The following SCAPER variants were observed in gnomAD, a reference collection of about 807,000 sequenced individuals.
SCAPER encodes S phase cyclin A-associated protein in the endoplasmic reticulum.
A neutral mutation model predicts 182.2 loss-of-function variants in SCAPER; 98 were observed. The ratio of observed to expected loss-of-function variants is 0.54; its 90% confidence interval spans 0.46 to 0.64. The LOEUF is 0.64. Among genes scored for constraint, SCAPER ranks in the 30% least tolerant of loss-of-function variants. The probability of loss-of-function intolerance (pLI) is 0.00; values close to 1 mark genes in which losing one functional copy is unlikely to be tolerated. For missense variants in SCAPER, 1,432 were observed against 1,690.0 expected (o/e 0.85, Z 2.68); for synonymous variants, 605 against 564.6 (o/e 1.07, Z -1.01).
intron 2 of SCAPER, among the ~76,000 whole-genome samples, chr15:76,877,904 C>T (rs2073279286): frequency 6.6e-6 from 1 of 152,080 alleles, no homozygotes; most frequent in African/African-American, 2.4e-5. Flanking sequence ...GTTAAATTTC[C>T]ACATTTTGAA....
At chr15:76,779,525 T>C (rs2063960183) in intron 8 of SCAPER, among the ~76,000 whole-genome samples, 1 of 152,130 alleles carries the variant, frequency 6.6e-6, no homozygotes, top group Admixed American at 6.5e-5. Flanking sequence ...GATAGCCCCG[T>C]AACTGTTAAA....
intron 22 of SCAPER, among the ~76,000 whole-genome samples, chr15:76,588,395 CTGATA>C (rs1340867635): frequency 1.3e-5 from 2 of 152,138 alleles, no homozygotes; most frequent in East Asian, 3.8e-4. Context: ...TTTGCTTTGT[CTGATA>C]TAAGAATAGC....
rs545263223 is a variant in SCAPER, at chr15:76,540,718, A to G, written c.2838+33440T>C. 8.5e-4 allele frequency among the ~76,000 whole-genome samples: 130 copies of G among 152,112 alleles called. 1 individual carries two copies. Among genetic ancestry groups the G allele is most frequent in the Middle Eastern group, 3.4e-3 (1 of 294 alleles). On this transcript the variant is annotated intron_variant, in intron 23 of 31. Transcript: ENST00000563290. ...TTTTTTTTTACAATGAACATGTATT[A>G]TAGTAATAATAATTATTATTTTCAA...
chr15:76,806,575 G>A (rs1598837730), intron 5 of SCAPER, among the ~76,000 whole-genome samples: 1 of 152,276 alleles, frequency 6.6e-6, no homozygotes, highest in South Asian at 2.1e-4. Context: ...CTGCCAAAAA[G>A]GGGGAAGGGA....
intron 1 of SCAPER, among the ~76,000 whole-genome samples, chr15:76,885,367 T>C (rs1218605902): frequency 6.6e-6 from 1 of 152,212 alleles, no homozygotes; most frequent in Non-Finnish European, 1.5e-5. Flanking sequence ...CTTCCCAGCA[T>C]GCCAGACATA....
intron 24 of SCAPER, among the ~76,000 whole-genome samples, chr15:76,483,820 T>TA (rs1408908823): frequency 6.6e-6 from 1 of 152,162 alleles, no homozygotes; most frequent in Non-Finnish European, 1.5e-5. Context: ...TTAGGATGGC[T>TA]AAAATCCAAA....
At chr15:76,720,793 T>C (rs868039390) in intron 17 of SCAPER, among the ~76,000 whole-genome samples, 29 of 152,278 alleles carry the variant, frequency 1.9e-4, no homozygotes, top group Middle Eastern at 6.8e-3. Flanking sequence ...TCCTGTAAAT[T>C]TGTTTGAGTT....
chr15:76,845,147 A>G (rs896265461), intron 4 of SCAPER, among the ~76,000 whole-genome samples: 3 of 152,156 alleles, frequency 2.0e-5, no homozygotes, highest in African/African-American at 7.2e-5. Context: ...TGCATGCTGA[A>G]AAAGTATTTA....
intron 21 of SCAPER, among the ~76,000 whole-genome samples, chr15:76,651,659 T>C (rs560147871): frequency 5.7e-4 from 78 of 135,826 alleles, no homozygotes; most frequent in African/African-American, 2.0e-3. Flanking sequence ...CTTGACCAGA[T>C]AGATTCACAG....
chr15:76,652,273 A>T lies in SCAPER; in HGVS notation c.2645+13380T>A, dbSNP rs868343558. Among the ~76,000 whole-genome samples the T allele has an allele frequency of 1.8e-3, 23 of 12,856 alleles. 1 individual carries two copies. Among genetic ancestry groups the T allele is most frequent in the African/African-American group, 2.8e-3 (9 of 3,160 alleles). The allele number at this position is 12,856 out of a possible 152,430, so 8.4% of individuals were successfully genotyped here. Reference sequence around the variant, plus strand: ...GTCTCTGCTAAAAAAAAAAAAAAAAAATATATATATATATATATATATATA... The same window carrying T: ...GTCTCTGCTAAAAAAAAAAAAAAAATATATATATATATATATATATATATA... On this transcript the variant is annotated intron_variant, in intron 21 of 31. Coordinates refer to ENST00000563290, the MANE Select transcript of SCAPER (RefSeq NM_020843.4).
At chr15:76,499,713 A>G (rs1222075788) in intron 24 of SCAPER, among the ~76,000 whole-genome samples, 1 of 152,180 alleles carries the variant, frequency 6.6e-6, no homozygotes, top group African/African-American at 2.4e-5. Flanking sequence ...TTTAAGTGAT[A>G]AGATGAAGAC....
chr15:76,579,257 C>A (rs148811213), intron 22 of SCAPER, among the ~76,000 whole-genome samples: 1 of 75,400 alleles, frequency 1.3e-5, no homozygotes, highest in East Asian at 4.7e-4. Flanking sequence ...CAGAGCGAGA[C>A]TCTGTCTCAA....
chr15:76,891,186 A>C (rs888568112), intron 1 of SCAPER, among the ~76,000 whole-genome samples: 3 of 152,220 alleles, frequency 2.0e-5, no homozygotes, highest in Non-Finnish European at 1.5e-5. Context: ...AATAACAGCT[A>C]TTTATGACAA....
At chr15:76,764,915 C>A in intron 14 of SCAPER, 46 bp downstream of exon 14, 1 of 1,132,694 alleles carries the variant, frequency 8.8e-7, no homozygotes, top group Non-Finnish European at 1.3e-6. Context: ...GAAAATAAGC[C>A]CAGCAACTTC....
intron 16 of SCAPER, 25 bp downstream of exon 16, chr15:76,733,204 T>A (rs2061031581): frequency 6.4e-7 from 1 of 1,550,476 alleles, no homozygotes; most frequent in Non-Finnish European, 8.7e-7. Flanking sequence ...GCTCAAGCAA[T>A]GTTTGCTGAA....
intron 23 of SCAPER, among the ~76,000 whole-genome samples, chr15:76,569,082 C>A (rs1454650466): frequency 1.3e-5 from 2 of 151,848 alleles, no homozygotes; most frequent in Non-Finnish European, 2.9e-5. Context: ...TAGTTAGAAC[C>A]CCCATTTTAA....
At chr15:76,392,449 A>G (rs538950359) in intron 27 of SCAPER, among the ~76,000 whole-genome samples, 58 of 152,226 alleles carry the variant, frequency 3.8e-4, no homozygotes, top group African/African-American at 1.3e-3. Flanking sequence ...AACCTAAAGA[A>G]CCAGGGCTAG....
intron 20 of SCAPER, among the ~76,000 whole-genome samples, chr15:76,683,039 G>T (rs561007730): frequency 3.0e-4 from 45 of 152,118 alleles, no homozygotes; most frequent in Non-Finnish European, 4.9e-4. Flanking sequence ...CCCCGGGAAT[G>T]GTTCTTAACC....
chr15:76,637,083 G>GCCACCA (rs556604865), intron 21 of SCAPER, among the ~76,000 whole-genome samples: 11 of 151,546 alleles, frequency 7.3e-5, no homozygotes, highest in East Asian at 3.9e-4. Context: ...AGGCTATGCA[G>GCCACCA]CCACCACCAC....
Sources: allele counts gnomAD v4.1 joint callset (sites outside exome capture counted in the v4.1 genomes callset), GRCh38; gene constraint gnomAD v4.1.1; transcripts MANE v1.5; gene names NCBI Gene and HGNC (gene_info 2026-07-23, HGNC 2026-07-21).